Variants in DNAAF1 observed in about 807,000 individuals in gnomAD.
DNAAF1 encodes dynein assembly factor 1, axonemal.
In DNAAF1, 65 loss-of-function variants were observed where a neutral mutation model predicts 71.1. The observed-to-expected ratio is 0.91, with a 90% CI of 0.75 to 1.12. The LOEUF (loss-of-function observed/expected upper bound fraction) is 1.12, where lower values mean the gene tolerates loss of function less well. Ranked by LOEUF, DNAAF1 falls within the 50% of genes most tolerant of loss-of-function variation. The pLI, the probability that DNAAF1 is intolerant of heterozygous loss-of-function variation, is 0.00. For missense variants in DNAAF1, 1,178 were observed against 899.8 expected (o/e 1.31, Z -3.96); for synonymous variants, 414 against 354.6 (o/e 1.17, Z -1.88).
chr16:84,174,310 TAG>T (rs1212693138), intron 9 of DNAAF1: 30 of 1,170,432 alleles, frequency 2.6e-5, no homozygotes, highest in Admixed American at 4.1e-5. Context: ...TTATACCACA[TAG>T]AGTTTTCGGA....
At chr16:84,145,786 G>A (rs1413137476) in intron 1 of DNAAF1, among the ~76,000 whole-genome samples, 5 of 152,152 alleles carry the variant, frequency 3.3e-5, no homozygotes, top group East Asian at 1.9e-4. Flanking sequence ...GATAACCCTC[G>A]GCTAGTCAGT....
At chr16:84,155,883 G>C in intron 5 of DNAAF1, 134 bp downstream of exon 5, 1 of 1,223,050 alleles carries the variant, frequency 8.2e-7, no homozygotes. Flanking sequence ...TTTCCTCTTT[G>C]TGTTTTTAGC....
chr16:84,162,094 A>G (rs990952976), intron 6 of DNAAF1: 4 of 152,178 alleles, frequency 2.6e-5, no homozygotes, highest in African/African-American at 9.7e-5. Flanking sequence ...TCCTTGGCAT[A>G]TTCTGTCTCA....
At chr16:84,156,559 T>C (rs542610547) in intron 5 of DNAAF1, among the ~76,000 whole-genome samples, 1 of 152,344 alleles carries the variant, frequency 6.6e-6, no homozygotes, top group South Asian at 2.1e-4. Flanking sequence ...CAGCCTGGTC[T>C]AGCCATTATG....
chr16:84,157,868 T>C (rs967009148), intron 5 of DNAAF1, among the ~76,000 whole-genome samples: 7 of 152,156 alleles, frequency 4.6e-5, no homozygotes, highest in Non-Finnish European at 7.4e-5. Context: ...CGTTTTTGTT[T>C]TGGCTGGGGT....
At chr16:84,175,619 GA>G (rs1173243147) in intron 10 of DNAAF1, 3 of 395,624 alleles carry the variant, frequency 7.6e-6, no homozygotes, top group Non-Finnish European at 1.4e-5. Flanking sequence ...GTCTGTGAAG[GA>G]AACGGGGTTC....
rs1281217759 is a variant in DNAAF1, at chr16:84,154,788, T to C, written c.564T>C (p.Ile188=). ...TCAGCAACAATTACATCAAGACCAT[T>C]GAAAACCTCTGTAAGGGTACCCAGC... The part of the protein sequence containing the change: ...LNLSNNYIKT[I]ENLSCLPVLN... Residue 188 remains isoleucine (I), a synonymous_variant, in exon 4 of 12, where the codon ATT becomes ATC. Transcript: ENST00000378553. 6.2e-7 allele frequency: 1 copy of C among 1,613,536 alleles called. No homozygotes were observed. The highest frequency in any genetic ancestry group is 1.7e-5 in the Admixed American group (1 of 60,008).
At chr16:84,155,470 T>C in intron 4 of DNAAF1, 113 bp from the exon 5 acceptor site, 1 of 1,224,704 alleles carries the variant, frequency 8.2e-7, no homozygotes. Context: ...GCTCGAAAGA[T>C]TCTCCCGCTT....
Position 84,145,417 on chromosome 16 carries a change from G to T in DNAAF1, c.-24G>T. ...AACCTGGGCCCCCCAAAGCTGCGGG[G>T]CGTTCGGTGTCGCCGAAGTAAACAT... On this transcript the variant is annotated 5_prime_UTR_variant, in exon 1 of 12. Coordinates refer to ENST00000378553, the MANE Select transcript of DNAAF1 (RefSeq NM_178452.6). 6.4e-7 allele frequency: 1 copy of T among 1,573,840 alleles called. No homozygotes were observed. Among genetic ancestry groups the T allele is most frequent in the Non-Finnish European group, 8.6e-7 (1 of 1,159,926 alleles).
At chr16:84,168,992 G>A (rs1375333624) in intron 7 of DNAAF1, among the ~76,000 whole-genome samples, 1 of 151,732 alleles carries the variant, frequency 6.6e-6, no homozygotes, top group African/African-American at 2.4e-5. Flanking sequence ...CCATTAAAGG[G>A]CTGTGCTTGG....
At chr16:84,177,529 A>T in intron 11 of DNAAF1, 200 bp from the exon 12 acceptor site, 1 of 548,694 alleles carries the variant, frequency 1.8e-6, no homozygotes, top group Non-Finnish European at 3.4e-6. Context: ...GGGTTTCACC[A>T]TGTTGACCAG....
intron 1 of DNAAF1, 91 bp from the exon 2 acceptor site, chr16:84,148,915 TA>T: frequency 6.9e-7 from 1 of 1,444,052 alleles, no homozygotes; most frequent in Non-Finnish European, 9.7e-7. Flanking sequence ...TGTTCTATAC[TA>T]AAAGTGGATG....
intron 1 of DNAAF1, among the ~76,000 whole-genome samples, chr16:84,147,828 G>T (rs548664348): frequency 6.6e-6 from 1 of 152,194 alleles, no homozygotes; most frequent in Admixed American, 6.5e-5. Context: ...CACTTTGGAA[G>T]GCCAAGGCGG....
chr16:84,148,596 C>CTTTTTTTTTTTTTTTTTTTTTT lies in DNAAF1; in HGVS notation c.125-393_125-392insTTTTTTTTTTTTTTTTTTTTTT. On this transcript the variant is annotated intron_variant, in intron 1 of 11. Coordinates refer to ENST00000378553, the MANE Select transcript of DNAAF1 (RefSeq NM_178452.6). ...AAAGATTACTGTTCTCTCTCTCTCT[C>CTTTTTTTTTTTTTTTTTTTTTT]TTTTTTTTTTTTTTTTTTGGTGAGA... Among the ~76,000 whole-genome samples the CTTTTTTTTTTTTTTTTTTTTTT allele has an allele frequency of 2.5e-3, 107 of 43,564 alleles. 26 individuals carry two copies. Among genetic ancestry groups the CTTTTTTTTTTTTTTTTTTTTTT allele is most frequent in the East Asian group, 0.015 (15 of 972 alleles). 28.6% of individuals were successfully genotyped at this position (43,564 alleles called of 152,430 possible). A position where few individuals can be genotyped will look rare whatever the true frequency, so the allele number is the denominator to read the frequency against.
At chr16:84,162,926 G>C (rs953389944) in intron 6 of DNAAF1, among the ~76,000 whole-genome samples, 5 of 152,112 alleles carry the variant, frequency 3.3e-5, no homozygotes, top group Admixed American at 2.6e-4. Flanking sequence ...CTGTTGATTT[G>C]CTCGTTCTGG....
chr16:84,169,617 C>T (rs949253424), intron 7 of DNAAF1, among the ~76,000 whole-genome samples: 8 of 151,916 alleles, frequency 5.3e-5, no homozygotes, highest in African/African-American at 1.5e-4. Flanking sequence ...GATGGGGTTT[C>T]GTCATGTTGG....
At chr16:84,166,370 CTTTTTTTTTT>C (rs535417461) in intron 7 of DNAAF1, among the ~76,000 whole-genome samples, 5 of 118,806 alleles carry the variant, frequency 4.2e-5, no homozygotes, top group East Asian at 2.3e-4. Context: ...TTCTTTTTTT[CTTTTTTTTTT>C]TTTTTTTTTT....
intron 1 of DNAAF1, among the ~76,000 whole-genome samples, chr16:84,146,935 C>G (rs1455848855): frequency 6.6e-6 from 1 of 152,192 alleles, no homozygotes; most frequent in Admixed American, 6.5e-5. Flanking sequence ...CATCAACTGT[C>G]CAGATGAACC....
At chr16:84,174,914 A>C (rs1401423229) in intron 10 of DNAAF1, 192 bp downstream of exon 10, 1 of 687,552 alleles carries the variant, frequency 1.5e-6, no homozygotes, top group African/African-American at 1.8e-5. Context: ...GCAGTGCAAT[A>C]GTGTGTTCTT....
Sources: allele counts gnomAD v4.1 joint callset (sites outside exome capture counted in the v4.1 genomes callset), GRCh38; gene constraint gnomAD v4.1.1; transcripts MANE v1.5; gene names NCBI Gene and HGNC (gene_info 2026-07-23, HGNC 2026-07-21).